ADAMTS12: variants seen among roughly 807,000 people sequenced by gnomAD.
The protein encoded by ADAMTS12 is A disintegrin and metalloproteinase with thrombospondin motifs 12.
Under a neutral mutation model 167.8 loss-of-function variants are expected in ADAMTS12, and 118 were observed. The observed-to-expected ratio is 0.70, with a 90% CI of 0.61 to 0.82. The LOEUF (loss-of-function observed/expected upper bound fraction) is 0.82, where lower values mean the gene tolerates loss of function less well. Among genes scored for constraint, ADAMTS12 ranks in the 40% least tolerant of loss-of-function variants. ADAMTS12 has a pLI of 0.00. For missense variants in ADAMTS12, 1,916 were observed against 1,998.8 expected (o/e 0.96, Z 0.79); for synonymous variants, 704 against 716.9 (o/e 0.98, Z 0.29).
chr5:33,601,435 A>G (rs1441650971), intron 16 of ADAMTS12, among the ~76,000 whole-genome samples: 1 of 152,136 alleles, frequency 6.6e-6, no homozygotes, highest in African/African-American at 2.4e-5. Context: ...CCTCTTTGTA[A>G]CCCACTCATC....
chr5:33,648,864 C>A lies in ADAMTS12; in HGVS notation c.1437G>T (p.Gln479His). The change falls in exon 9 of 24, where the codon CAG becomes CAT. Residue 479 changes from glutamine (Q) to histidine (H), a missense_variant. Transcript: ENST00000504830. Reference sequence around the variant, plus strand: ...AGGTAGCATTGGGTCCATATTGTAGCTGGCACTGGTGGTGAACATCATAGA... The same window carrying A: ...AGGTAGCATTGGGTCCATATTGTAGATGGCACTGGTGGTGAACATCATAGA... ...GVIYDVHHQCQLQYGPNATFC... is the reference protein window; with the variant it reads ...GVIYDVHHQCHLQYGPNATFC... The A allele has an allele frequency of 6.2e-7, 1 of 1,614,042 alleles. No individual in the cohort carries two copies. The highest frequency in any genetic ancestry group is 1.1e-5 in the South Asian group (1 of 91,064).
At chr5:33,652,449 T>C (rs1156878199) in intron 7 of ADAMTS12, among the ~76,000 whole-genome samples, 4 of 152,180 alleles carry the variant, frequency 2.6e-5, no homozygotes, top group African/African-American at 9.7e-5. Context: ...TGTCTGTTCT[T>C]ATCCTATTCC....
In ADAMTS12 at chr5:33,683,094, C is replaced by A. The variant is rs1306875157; in HGVS notation, c.839G>T (p.Gly280Val). 1 of 1,612,352 alleles carries A rather than the reference C, an allele frequency of 6.2e-7. No individual in the cohort carries two copies. The highest frequency in any genetic ancestry group is 8.5e-7 in the Non-Finnish European group (1 of 1,179,074). ...YILTIMNMVTGLFHNPSIGNA... is the reference protein window; with the variant it reads ...YILTIMNMVTVLFHNPSIGNA... ...GCCAATGCTTGGGTTATGGAACAAC[C>A]CAGTGACCTAGGGTCAGAAATAGAA... Residue 280 changes from glycine to valine, a missense_variant, in exon 5 of 24, where the codon GGG becomes GTG. Gly to Val is a moderately radical substitution (Grantham distance 109). Coordinates refer to ENST00000504830, the MANE Select transcript of ADAMTS12 (RefSeq NM_030955.4).
At chr5:33,567,970 A>G (rs144965024) in intron 19 of ADAMTS12, among the ~76,000 whole-genome samples, 118 of 152,248 alleles carry the variant, frequency 7.8e-4, no homozygotes, top group African/African-American at 2.6e-3. Context: ...CTGGCCAGCT[A>G]CTTAAATTCT....
chr5:33,643,537 T>A, intron 9 of ADAMTS12, 67 bp from the exon 10 acceptor site: 1 of 1,399,452 alleles, frequency 7.1e-7, no homozygotes, highest in Non-Finnish European at 1.0e-6. Context: ...ATAGTTACAG[T>A]AAAATATGCA....
intron 2 of ADAMTS12, among the ~76,000 whole-genome samples, chr5:33,854,826 A>C (rs1441797527): frequency 6.6e-6 from 1 of 152,216 alleles, no homozygotes; most frequent in African/African-American, 2.4e-5. Context: ...TGTCTGAGTA[A>C]GCATGGGTCT....
At chr5:33,817,569 A>G (rs979149744) in intron 2 of ADAMTS12, among the ~76,000 whole-genome samples, 1 of 152,140 alleles carries the variant, frequency 6.6e-6, no homozygotes, top group African/African-American at 2.4e-5. Context: ...GCAATGATCA[A>G]TTCTTGGACA....
Position 33,881,109 on chromosome 5 carries a change from C to G in ADAMTS12, c.489+10G>C. Reference sequence around the variant, plus strand: ...GGGCAGAGGAAGGAGATGCCAGAGCCCACACTCACCAGTCCATGGCAGGCA... The same window carrying G: ...GGGCAGAGGAAGGAGATGCCAGAGCGCACACTCACCAGTCCATGGCAGGCA... On this transcript the variant is annotated intron_variant, in intron 2 of 23. Transcript: ENST00000504830. 1 of 1,610,730 alleles carries G rather than the reference C, an allele frequency of 6.2e-7. No homozygotes were observed. The highest frequency in any genetic ancestry group is 8.5e-7 in the Non-Finnish European group (1 of 1,178,684).
At chr5:33,630,376 CTCA>C (rs1283121985) in intron 13 of ADAMTS12, among the ~76,000 whole-genome samples, 6 of 152,146 alleles carry the variant, frequency 3.9e-5, no homozygotes, top group Non-Finnish European at 8.8e-5. Flanking sequence ...CTCTGAGAAG[CTCA>C]TGTTGATAGT....
At chr5:33,780,761 A>C (rs1478552503) in intron 2 of ADAMTS12, among the ~76,000 whole-genome samples, 1 of 152,148 alleles carries the variant, frequency 6.6e-6, no homozygotes, top group Non-Finnish European at 1.5e-5. Flanking sequence ...TGGGTCAAGC[A>C]CCCCTTGCTT....
At chr5:33,580,165 G>GTGAAA (rs1746989608) in intron 18 of ADAMTS12, among the ~76,000 whole-genome samples, 1 of 152,206 alleles carries the variant, frequency 6.6e-6, no homozygotes, top group Non-Finnish European at 1.5e-5. Context: ...CAGGAGTGAA[G>GTGAAA]AAAAGCTACT....
chr5:33,826,572 ATG>A (rs1167799671), intron 2 of ADAMTS12, among the ~76,000 whole-genome samples: 15 of 70,180 alleles, frequency 2.1e-4, no homozygotes, highest in African/African-American at 5.5e-4. Context: ...ATGTATGTGT[ATG>A]TGTGTGTGTG....
Position 33,527,196 on chromosome 5 carries a change from C to A in ADAMTS12, c.4777G>T (p.Glu1593Ter). 4 of 1,614,134 alleles carry A rather than the reference C, an allele frequency of 2.5e-6. No homozygotes were observed. Among genetic ancestry groups the A allele is most frequent in the Non-Finnish European group, 3.4e-6 (4 of 1,180,014 alleles). ...RRQRLLQKSK[E>*]L ...CTGGCTTCCTTTTGGGCTTAGAGTTCTTTTGACTTTTGGAGCAACCGTTGC... is the reference window on the plus strand; with the variant it reads ...CTGGCTTCCTTTTGGGCTTAGAGTTATTTTGACTTTTGGAGCAACCGTTGC... Residue 1593 changes from glutamate (E) to a stop codon, truncating the protein, a stop_gained, in exon 24 of 24, where the codon GAA becomes TAA. Coordinates refer to ENST00000504830, the MANE Select transcript of ADAMTS12 (RefSeq NM_030955.4). LOFTEE classifies it high-confidence loss of function.
At chr5:33,749,988 C>T (rs1407739121) in intron 3 of ADAMTS12, among the ~76,000 whole-genome samples, 1 of 152,132 alleles carries the variant, frequency 6.6e-6, no homozygotes, top group Non-Finnish European at 1.5e-5. Flanking sequence ...TAACTTTCTC[C>T]ACCGTATTGA....
At chr5:33,676,500 G>T (rs547959826) in intron 5 of ADAMTS12, among the ~76,000 whole-genome samples, 41 of 151,276 alleles carry the variant, frequency 2.7e-4, no homozygotes, top group Middle Eastern at 3.4e-3. Context: ...AGACCAGCTT[G>T]GGCAACGTAG....
intron 3 of ADAMTS12, among the ~76,000 whole-genome samples, chr5:33,701,760 G>A (rs776523902): frequency 9.2e-5 from 14 of 152,044 alleles, no homozygotes; most frequent in Non-Finnish European, 1.8e-4. Context: ...GTGGACCCTC[G>A]TCTCCCAAGT....
At chr5:33,563,365 A>T (rs747538748) in intron 19 of ADAMTS12, among the ~76,000 whole-genome samples, 4 of 152,214 alleles carry the variant, frequency 2.6e-5, no homozygotes, top group Non-Finnish European at 4.4e-5. Flanking sequence ...CTTGGCCAAC[A>T]GAATGCAGTG....
At chr5:33,877,589 C>A (rs1445755336) in intron 2 of ADAMTS12, among the ~76,000 whole-genome samples, 1 of 152,080 alleles carries the variant, frequency 6.6e-6, no homozygotes, top group African/African-American at 2.4e-5. Context: ...AAACAAATTC[C>A]ACAATGCCAA....
intron 2 of ADAMTS12, among the ~76,000 whole-genome samples, chr5:33,779,024 G>A (rs1355947467): frequency 6.6e-6 from 1 of 152,098 alleles, no homozygotes; most frequent in Non-Finnish European, 1.5e-5. Flanking sequence ...AAGGCAGCGT[G>A]TGGAGAAAAT....
Sources: gnomAD v4.1 joint callset for allele counts (sites outside exome capture counted in the v4.1 genomes callset) on GRCh38, gnomAD v4.1.1 for gene constraint, MANE v1.5 for transcripts, NCBI Gene and HGNC (gene_info 2026-07-23, HGNC 2026-07-21) for gene names.